The following GRIK2 variants were observed in gnomAD, a reference collection of about 807,000 sequenced individuals.
GRIK2 encodes the protein glutamate ionotropic receptor kainate type subunit 2.
In GRIK2, 32 loss-of-function variants were observed where a neutral mutation model predicts 100.3. That is an observed-to-expected ratio of 0.32 (90% CI 0.24 to 0.43). GRIK2 has a LOEUF of 0.43. Among genes scored for constraint, GRIK2 ranks in the 20% least tolerant of loss-of-function variants. GRIK2 has a pLI of 1.00. For missense variants in GRIK2, 843 were observed against 1,114.9 expected, an observed-to-expected ratio of 0.76 and a Z score of 3.47; for synonymous variants, 417 against 389.4, an observed-to-expected ratio of 1.07 and a Z score of -0.83.
At chr6:101,902,648 A>C (rs1787924567) in intron 12 of GRIK2, among the ~76,000 whole-genome samples, 1 of 151,902 alleles carries the variant, frequency 6.6e-6, no homozygotes, top group Admixed American at 6.6e-5. Flanking sequence ...ATGTTTTCTT[A>C]ATTATTGAGT....
At chr6:102,030,735 C>T (rs2114405411) in intron 14 of GRIK2, among the ~76,000 whole-genome samples, 1 of 151,274 alleles carries the variant, frequency 6.6e-6, no homozygotes, top group Middle Eastern at 3.4e-3. Flanking sequence ...CAAAATTCCA[C>T]AAGCCTTAAT....
Position 101,790,522 on chromosome 6 carries a change from T to C in GRIK2, c.952-9126T>C, listed in dbSNP as rs1269377115. 1.4e-4 allele frequency among the ~76,000 whole-genome samples: 21 copies of C among 147,856 alleles called. 1 individual carries two copies. The highest frequency in any genetic ancestry group is 4.1e-4 in the Admixed American group (6 of 14,784). The stretch of plus-strand genomic sequence containing the variant: ...GCTGGATTACATTTATTGATTTGCG[T>C]ATATTGAACCAGCCTTGCATCCCAG... On this transcript the variant is annotated intron_variant, in intron 7 of 16. Coordinates refer to ENST00000369134, the MANE Select transcript of GRIK2 (RefSeq NM_021956.5).
chr6:101,943,076 A>G (rs6931200), intron 14 of GRIK2, among the ~76,000 whole-genome samples: 10,787 of 152,232 alleles, frequency 0.071, 941 homozygotes, highest in African/African-American at 0.21. Context: ...GTGCAGCCTC[A>G]GGACATGGCA....
At chr6:101,988,389 T>G (rs1490769911) in intron 14 of GRIK2, among the ~76,000 whole-genome samples, 3 of 151,850 alleles carry the variant, frequency 2.0e-5, no homozygotes, top group Non-Finnish European at 1.5e-5. Flanking sequence ...ATATATAGCA[T>G]TGTAATACTT....
intron 7 of GRIK2, among the ~76,000 whole-genome samples, chr6:101,735,584 A>G (rs1168039681): frequency 6.6e-6 from 1 of 151,736 alleles, no homozygotes; most frequent in East Asian, 2.0e-4. Context: ...TCCATTTTTA[A>G]AAACATCAGA....
intron 7 of GRIK2, among the ~76,000 whole-genome samples, chr6:101,693,225 G>A (rs1772233936): frequency 6.6e-6 from 1 of 151,908 alleles, no homozygotes; most frequent in East Asian, 1.9e-4. Context: ...TATCTTTATG[G>A]TCATATTATT....
At chr6:101,538,863 AT>A (rs1042283172) in intron 2 of GRIK2, among the ~76,000 whole-genome samples, 45 of 151,792 alleles carry the variant, frequency 3.0e-4, no homozygotes, top group African/African-American at 1.1e-3. Flanking sequence ...GTTTTGTGAA[AT>A]TTATCCAGAG....
intron 4 of GRIK2, among the ~76,000 whole-genome samples, chr6:101,641,588 G>A (rs1295868779): frequency 6.6e-6 from 1 of 151,718 alleles, no homozygotes; most frequent in African/African-American, 2.4e-5. Context: ...GAAGAGACTA[G>A]ATCAATATTT....
chr6:101,645,163 G>GAA (rs559337869), intron 4 of GRIK2, among the ~76,000 whole-genome samples: 3 of 127,848 alleles, frequency 2.3e-5, no homozygotes, highest in African/African-American at 5.7e-5. Flanking sequence ...AGAATAAGAA[G>GAA]AAAAAAAAAA....
intron 2 of GRIK2, among the ~76,000 whole-genome samples, chr6:101,402,266 A>G (rs1019896910): frequency 6.6e-6 from 1 of 152,210 alleles, no homozygotes; most frequent in African/African-American, 2.4e-5. Context: ...ACATTCTCTC[A>G]CACACACTCA....
chr6:101,534,847 T>C (rs951224855), intron 2 of GRIK2, among the ~76,000 whole-genome samples: 8 of 151,784 alleles, frequency 5.3e-5, no homozygotes, highest in African/African-American at 1.9e-4. Context: ...TTTCAAAGCT[T>C]TTGATTTTTC....
chr6:101,785,191 T>C (rs1779346599), intron 7 of GRIK2, among the ~76,000 whole-genome samples: 1 of 152,126 alleles, frequency 6.6e-6, no homozygotes, highest in Admixed American at 6.6e-5. Flanking sequence ...TGAGCTTCTT[T>C]TATATTCTGA....
chr6:101,740,757 G>T (rs904325551), intron 7 of GRIK2, among the ~76,000 whole-genome samples: 1 of 152,162 alleles, frequency 6.6e-6, no homozygotes, highest in South Asian at 2.1e-4. Flanking sequence ...AGGAAGGGGA[G>T]CCGGCTGGCA....
At chr6:101,532,969 G>C (rs1775516961) in intron 2 of GRIK2, among the ~76,000 whole-genome samples, 1 of 151,640 alleles carries the variant, frequency 6.6e-6, no homozygotes, top group Non-Finnish European at 1.5e-5. Flanking sequence ...AAGAAAGGAT[G>C]AAAAAGACAC....
At chr6:102,026,966 TA>T (rs1315265206) in intron 14 of GRIK2, among the ~76,000 whole-genome samples, 1 of 151,262 alleles carries the variant, frequency 6.6e-6, no homozygotes, top group Non-Finnish European at 1.5e-5. Context: ...TGAGTCCAGA[TA>T]GGGCTCAGCT....
At chr6:101,417,640 G>A (rs188424325) in intron 2 of GRIK2, among the ~76,000 whole-genome samples, 7 of 152,298 alleles carry the variant, frequency 4.6e-5, no homozygotes, top group East Asian at 1.9e-4. Flanking sequence ...GGATGTGGGC[G>A]TAGAATTACT....
rs745502345 is a variant in GRIK2, at chr6:101,859,506, C to G, written c.1524+13C>G. The G allele has an allele frequency of 1.4e-6, 2 of 1,461,320 alleles. No individual in the cohort carries two copies. The highest frequency in any genetic ancestry group is 1.9e-6 in the Non-Finnish European group (2 of 1,045,808). 90.5% of individuals were successfully genotyped at this position (1,461,320 alleles called of 1,614,324 possible). On this transcript the variant is annotated intron_variant, in intron 11 of 16. Transcript: ENST00000369134. Reference sequence around the variant, plus strand: ...ACTAATTGATCATGTAAGTCCCTTCCCTCATGATTTATTAGTTTGTTATGT... The same window carrying G: ...ACTAATTGATCATGTAAGTCCCTTCGCTCATGATTTATTAGTTTGTTATGT...
intron 2 of GRIK2, among the ~76,000 whole-genome samples, chr6:101,466,393 G>T (rs910699148): frequency 3.3e-5 from 5 of 151,050 alleles, no homozygotes; most frequent in Non-Finnish European, 7.4e-5. Flanking sequence ...TATTACTATT[G>T]TCAGGAACAT....
chr6:101,418,304 C>A (rs1776247913), intron 2 of GRIK2, among the ~76,000 whole-genome samples: 1 of 152,080 alleles, frequency 6.6e-6, no homozygotes, highest in South Asian at 2.1e-4. Flanking sequence ...TACAGGAGTT[C>A]TTTTGTTGCT....
Sources: gnomAD v4.1 joint callset for allele counts (sites outside exome capture counted in the v4.1 genomes callset) on GRCh38, gnomAD v4.1.1 for gene constraint, MANE v1.5 for transcripts, NCBI Gene and HGNC (gene_info 2026-07-23, HGNC 2026-07-21) for gene names.